The following ABLIM2 variants were observed in gnomAD, a reference collection of about 807,000 sequenced individuals.
ABLIM2 encodes actin-binding LIM protein 2.
Under a neutral mutation model 97.7 loss-of-function variants are expected in ABLIM2, and 53 were observed. The ratio of observed to expected loss-of-function variants is 0.54; its 90% confidence interval spans 0.44 to 0.68. The LOEUF (loss-of-function observed/expected upper bound fraction) is 0.68. Among genes scored for constraint, ABLIM2 ranks in the 30% least tolerant of loss-of-function variants. The probability of loss-of-function intolerance (pLI) is 0.00; values close to 1 mark genes in which losing one functional copy is unlikely to be tolerated. For missense variants in ABLIM2, 835 were observed against 867.2 expected, an observed-to-expected ratio of 0.96 and a Z score of 0.47; for synonymous variants, 361 against 345.8, an observed-to-expected ratio of 1.04 and a Z score of -0.49.
At chr4:8,089,393 CT>C (rs1825820533) in intron 3 of ABLIM2, among the ~76,000 whole-genome samples, 1 of 152,196 alleles carries the variant, frequency 6.6e-6, no homozygotes, top group African/African-American at 2.4e-5. Context: ...GAACCAGGTG[CT>C]TTTCAGGCAG....
Position 7,986,925 on chromosome 4 carries a change from C to T in ABLIM2, c.1681-2032G>A, listed in dbSNP as rs1395636615. ...ACCTCAGGTGATCCACCCGCGTTGG[C>T]CTCCCAAAGTGCTGGGATTATAGGC... On this transcript the variant is annotated intron_variant, in intron 17 of 20. Coordinates refer to ENST00000447017, the MANE Select transcript of ABLIM2 (RefSeq NM_001130083.2). This position sits in a 1 kb window ranked among gnomAD's most constrained non-coding sequence, Gnocchi z 4.3. Among the ~76,000 whole-genome samples the T allele has an allele frequency of 6.6e-6, 1 of 152,216 alleles. No homozygotes were observed. The highest frequency in any genetic ancestry group is 1.5e-5 in the Non-Finnish European group (1 of 68,046).
chr4:8,010,611 C>T (rs1209690881), intron 14 of ABLIM2: 8 of 977,488 alleles, frequency 8.2e-6, no homozygotes, highest in Non-Finnish European at 9.7e-6. Context: ...ACTAACATCT[C>T]GTTACTCTCA....
At chr4:8,080,090 A>C (rs1166279869) in intron 5 of ABLIM2, among the ~76,000 whole-genome samples, 1 of 152,186 alleles carries the variant, frequency 6.6e-6, no homozygotes, top group Non-Finnish European at 1.5e-5. Flanking sequence ...TCTTCCCAGA[A>C]GCCTTCCCTG....
At position 8,091,670 on chromosome 4, in the gene ABLIM2, TA is replaced by T. The variant is rs1277335983; in HGVS notation, c.339-3387del. ...ATATATTATATAATTATATATTATA[TA>T]AAATTATATATAATTATATATTATA... is the stretch of plus-strand genomic sequence containing the variant. On this transcript the variant is annotated intron_variant, in intron 3 of 20. Transcript: ENST00000447017. Among the ~76,000 whole-genome samples the T allele has an allele frequency of 2.7e-5, 2 of 73,004 alleles. 1 individual carries two copies. The highest frequency in any genetic ancestry group is 9.2e-4 in the East Asian group (2 of 2,172). The allele number at this position is 73,004 out of a possible 152,430, so 47.9% of individuals were successfully genotyped here.
chr4:8,068,945 G>A lies in ABLIM2; in HGVS notation c.676-7891C>T, dbSNP rs149020378. Among the ~76,000 whole-genome samples the A allele has an allele frequency of 0.012, 1,832 of 152,348 alleles. 36 individuals carry two copies. The highest frequency in any genetic ancestry group is 0.042 in the African/African-American group (1,762 of 41,584). ...GGGGATCCCCCTGGGGGTGTTTGGC[G>A]GCCAGGACAGAATCCCCAGAATCCC... On this transcript the variant is annotated intron_variant, in intron 6 of 20. Transcript: ENST00000447017. This position sits in a 1 kb window ranked among gnomAD's most constrained non-coding sequence, Gnocchi z 4.5.
chr4:8,132,185 A>AC lies in ABLIM2; in HGVS notation c.11-25549dup, dbSNP rs1454709767. On this transcript the variant is annotated intron_variant, in intron 1 of 20. Transcript: ENST00000447017. This position sits in a 1 kb window ranked among gnomAD's most constrained non-coding sequence, Gnocchi z 8.0. ...TACATGGTCCCACGAGGCTGCAATC[A>AC]CCCCCCTGCTCACTCATGCTCACCC... is the stretch of plus-strand genomic sequence containing the variant. Among the ~76,000 whole-genome samples the AC allele has an allele frequency of 8.1e-5, 12 of 147,312 alleles. No individual in the cohort carries two copies. The highest frequency in any genetic ancestry group is 1.6e-4 in the Non-Finnish European group (11 of 66,946).
At chr4:8,086,038 G>A (rs1823376685) in intron 4 of ABLIM2, among the ~76,000 whole-genome samples, 1 of 152,264 alleles carries the variant, frequency 6.6e-6, no homozygotes, top group Middle Eastern at 3.4e-3. Context: ...AACTAAAGGA[G>A]GCTGGACTGG....
chr4:7,991,048 C>T (rs1053832373), intron 17 of ABLIM2, among the ~76,000 whole-genome samples: 1 of 152,324 alleles, frequency 6.6e-6, no homozygotes, highest in Admixed American at 6.5e-5. Flanking sequence ...CCTTAGTCTG[C>T]AGGAGAAACA....
At chr4:8,063,124 G>A (rs949178003) in intron 6 of ABLIM2, among the ~76,000 whole-genome samples, 13 of 152,162 alleles carry the variant, frequency 8.5e-5, no homozygotes, top group Non-Finnish European at 1.9e-4. Flanking sequence ...GGAGTGCAGT[G>A]GTGCAATCTC....
rs1561657841 is a variant in ABLIM2 at position 8,158,781 on chromosome 4, C to G, written c.-92G>C. On this transcript the variant is annotated 5_prime_UTR_variant, in exon 1 of 21. Coordinates refer to ENST00000447017, the MANE Select transcript of ABLIM2 (RefSeq NM_001130083.2). Reference sequence around the variant, plus strand: ...CCGCGCCCGCGCTATCCTCCGCCCGCCCGCCGGCTCCGCGCCCGCTCCTTG... The same window carrying G: ...CCGCGCCCGCGCTATCCTCCGCCCGGCCGCCGGCTCCGCGCCCGCTCCTTG... 1 of 1,172,830 alleles carries G rather than the reference C, an allele frequency of 8.5e-7. No individual in the cohort carries two copies. The highest frequency in any genetic ancestry group is 1.1e-6 in the Non-Finnish European group (1 of 932,798). The allele number at this position is 1,172,830 out of a possible 1,614,324, so 72.7% of individuals were successfully genotyped here.
Position 7,998,937 on chromosome 4 carries a change from G to A in ABLIM2, c.1619-6010C>T, listed in dbSNP as rs76700984. On this transcript the variant is annotated intron_variant, in intron 16 of 20. Transcript: ENST00000447017. This position sits in a 1 kb window ranked among gnomAD's most constrained non-coding sequence, Gnocchi z 6.4. ...AGAGAAGAGCAGAGAGAGACGAGGC[G>A]ACACTATCTCACCCCCTGGACTGCT... Among the ~76,000 whole-genome samples, 3,062 of 152,310 alleles carry A rather than the reference G, an allele frequency of 0.02. 43 individuals are homozygous for A. The highest frequency in any genetic ancestry group is 0.054 in the Middle Eastern group (16 of 294).
intron 5 of ABLIM2, among the ~76,000 whole-genome samples, chr4:8,079,017 G>T (rs1372374326): frequency 3.3e-5 from 5 of 152,242 alleles, no homozygotes; most frequent in African/African-American, 1.2e-4. Flanking sequence ...CCCAGCTCAC[G>T]TTCTTTTCCT....
chr4:7,992,481 C>G lies in ABLIM2; in HGVS notation c.1680+385G>C, dbSNP rs1008071369. The stretch of plus-strand genomic sequence containing the variant: ...CCGAGAAGGAGGTGGGCACTTGGCT[C>G]ACACTGGCTCACCAAATGCAACAGC... On this transcript the variant is annotated intron_variant, in intron 17 of 20. Coordinates refer to ENST00000447017, the MANE Select transcript of ABLIM2 (RefSeq NM_001130083.2). This position sits in a 1 kb window ranked among gnomAD's most constrained non-coding sequence, Gnocchi z 5.7. 6.6e-6 allele frequency among the ~76,000 whole-genome samples: 1 copy of G among 152,026 alleles called. No homozygotes were observed. Among genetic ancestry groups the G allele is most frequent in the Non-Finnish European group, 1.5e-5 (1 of 67,986 alleles).
At chr4:8,000,743 C>T (rs747014782) in intron 16 of ABLIM2, among the ~76,000 whole-genome samples, 5 of 152,138 alleles carry the variant, frequency 3.3e-5, no homozygotes, top group Admixed American at 6.5e-5. Flanking sequence ...ATCACAAGCA[C>T]GGATGGCGAG....
chr4:8,154,172 C>T lies in ABLIM2; in HGVS notation c.10+4508G>A, dbSNP rs537862124. Among the ~76,000 whole-genome samples the T allele has an allele frequency of 3.3e-5, 5 of 151,698 alleles. No homozygotes were observed. In the South Asian group the frequency reaches 6.3e-4, roughly 19 times the overall value. On this transcript the variant is annotated intron_variant, in intron 1 of 20. Coordinates refer to ENST00000447017, the MANE Select transcript of ABLIM2 (RefSeq NM_001130083.2). Reference sequence around the variant, plus strand: ...AGAGATGGGGTTTCACTGTGTTAGCCAGGATGGTCTCCATCTCCTGACCTT... The same window carrying T: ...AGAGATGGGGTTTCACTGTGTTAGCTAGGATGGTCTCCATCTCCTGACCTT...
In ABLIM2 at chr4:8,113,420, C is replaced by T. The variant is rs189947714; in HGVS notation, c.11-6783G>A. On this transcript the variant is annotated intron_variant, in intron 1 of 20. Transcript: ENST00000447017. The surrounding 1 kb of genome is among the most constrained non-coding windows in gnomAD (Gnocchi z 4.5). Reference sequence around the variant, plus strand: ...GGGGATTTGCTTGACTGTTTATTTCCGATCTGTGCCCACGGATCTATATTT... The same window carrying T: ...GGGGATTTGCTTGACTGTTTATTTCTGATCTGTGCCCACGGATCTATATTT... Among the ~76,000 whole-genome samples the T allele has an allele frequency of 1.1e-4, 16 of 152,262 alleles. No individual in the cohort carries two copies. Among genetic ancestry groups the T allele is most frequent in the East Asian group, 3.9e-4 (2 of 5,182 alleles).
At position 8,044,133 on chromosome 4, in the gene ABLIM2, A is replaced by G. The variant is rs1579600706; in HGVS notation, c.900+1031T>C. On this transcript the variant is annotated intron_variant, in intron 9 of 20. Transcript: ENST00000447017. This position sits in a 1 kb window ranked among gnomAD's most constrained non-coding sequence, Gnocchi z 4.4. ...AGGGTCGAAAAGAAGCACAGCAGAC[A>G]GCAGATCCAATAAACTGTCTTAAAG... is the stretch of plus-strand genomic sequence containing the variant. Among the ~76,000 whole-genome samples the G allele has an allele frequency of 6.6e-6, 1 of 152,240 alleles. No individual in the cohort carries two copies. The highest frequency in any genetic ancestry group is 2.4e-5 in the African/African-American group (1 of 41,470).
intron 2 of ABLIM2, among the ~76,000 whole-genome samples, chr4:8,103,585 G>C (rs1835724310): frequency 6.6e-6 from 1 of 152,250 alleles, no homozygotes; most frequent in African/African-American, 2.4e-5. Flanking sequence ...TGCTACTGCT[G>C]GAGTCCATGG....
In ABLIM2 at chr4:7,999,901, G is replaced by T. The variant is rs139286140; in HGVS notation, c.1619-6974C>A. On this transcript the variant is annotated intron_variant, in intron 16 of 20. Transcript: ENST00000447017. The surrounding 1 kb of genome is among the most constrained non-coding windows in gnomAD (Gnocchi z 4.4). ...TGGGGCCCTGAGCCTCTTCTCCACA[G>T]GTCTGTCCTCTTCCAGGCTGGCTCA... Among the ~76,000 whole-genome samples, 77 of 152,312 alleles carry T rather than the reference G, an allele frequency of 5.1e-4. No homozygotes were observed. The East Asian group carries it at 0.012, about 24-fold the overall frequency.
Sources: allele counts gnomAD v4.1 joint callset (sites outside exome capture counted in the v4.1 genomes callset), GRCh38; gene constraint gnomAD v4.1.1; non-coding constraint Gnocchi (gnomAD v3.1); transcripts MANE v1.5; gene names NCBI Gene and HGNC (gene_info 2026-07-23, HGNC 2026-07-21).